Variants in TRHDE observed in about 807,000 individuals in gnomAD.
The protein encoded by TRHDE is thyrotropin releasing hormone degrading enzyme.
TRHDE carries 72 observed loss-of-function variants against 125.7 expected under a neutral mutation model. The observed-to-expected ratio is 0.57, with a 90% CI of 0.47 to 0.70. TRHDE has a LOEUF of 0.70. Among genes scored for constraint, TRHDE ranks in the 30% least tolerant of loss-of-function variants. The pLI, the probability that TRHDE is intolerant of heterozygous loss-of-function variation, is 0.00. For synonymous variants in TRHDE, 509 were observed against 509.1 expected (o/e 1.00, Z 0.00); for missense variants, 1,110 against 1,327.1 (o/e 0.84, Z 2.54).
At chr12:72,183,873 G>C (rs751975137) in intron 2 of TRHDE, among the ~76,000 whole-genome samples, 24 of 151,788 alleles carry the variant, frequency 1.6e-4, no homozygotes, top group Admixed American at 5.9e-4. Context: ...TATGGGATTT[G>C]GGCTGATAAA....
At chr12:72,185,785 A>G (rs554718431) in intron 2 of TRHDE, among the ~76,000 whole-genome samples, 1 of 147,668 alleles carries the variant, frequency 6.8e-6, no homozygotes, top group African/African-American at 2.5e-5. Context: ...TAAATACACC[A>G]CTCGGCACTC....
At chr12:72,561,762 T>A (rs1870188045) in intron 7 of TRHDE, among the ~76,000 whole-genome samples, 1 of 152,186 alleles carries the variant, frequency 6.6e-6, no homozygotes, top group Admixed American at 6.5e-5. Context: ...TCAGCATATA[T>A]TAGCTCTTTC....
At chr12:72,524,617 A>G (rs1480180229) in intron 6 of TRHDE, among the ~76,000 whole-genome samples, 1 of 152,178 alleles carries the variant, frequency 6.6e-6, no homozygotes, top group East Asian at 1.9e-4. Context: ...TTTGAGAAGC[A>G]TGGCTTTATT....
chr12:72,447,717 T>C (rs1875367817), intron 3 of TRHDE, among the ~76,000 whole-genome samples: 1 of 152,004 alleles, frequency 6.6e-6, no homozygotes, highest in Non-Finnish European at 1.5e-5. Flanking sequence ...TGTTAGACAT[T>C]ATTTGGAGAA....
At chr12:72,271,379 C>T (rs1879202899), upstream of TRHDE, among the ~76,000 whole-genome samples, 1 of 152,154 alleles carries the variant, frequency 6.6e-6, no homozygotes, top group African/African-American at 2.4e-5. Flanking sequence ...TTCTTTTGCT[C>T]TCTATGTTAA....
intron 2 of TRHDE, among the ~76,000 whole-genome samples, chr12:72,198,948 A>AGT (rs1289328662): frequency 2.6e-5 from 4 of 151,938 alleles, no homozygotes; most frequent in Non-Finnish European, 5.9e-5. Context: ...AGAGAGAGAG[A>AGT]GAGAGAGAGA....
chr12:72,596,029 T>C lies in TRHDE; in HGVS notation c.2321+20487T>C, dbSNP rs117048670. Among the ~76,000 whole-genome samples, 908 of 152,246 alleles carry C rather than the reference T, an allele frequency of 6.0e-3. 2 individuals carry two copies. The highest frequency in any genetic ancestry group is 0.017 in the Admixed American group (256 of 15,286). On this transcript the variant is annotated intron_variant, in intron 12 of 18. Coordinates refer to ENST00000261180, the MANE Select transcript of TRHDE (RefSeq NM_013381.3). The stretch of plus-strand genomic sequence containing the variant: ...TTCAGGGTTGATATTATTGAAAATA[T>C]ATACCCAAGTTTTAAACTGAGTCCC...
intron 2 of TRHDE, among the ~76,000 whole-genome samples, chr12:72,210,081 A>G (rs1387481440): frequency 6.6e-6 from 1 of 152,118 alleles, no homozygotes; most frequent in Non-Finnish European, 1.5e-5. Flanking sequence ...TAATTTTAAA[A>G]CCTTAACTAT....
intron 2 of TRHDE, among the ~76,000 whole-genome samples, chr12:72,360,178 G>T (rs906465910): frequency 3.3e-5 from 5 of 151,648 alleles, no homozygotes; most frequent in African/African-American, 1.2e-4. Flanking sequence ...TGACCTTGAG[G>T]GCAATGAATG....
intron 2 of TRHDE, among the ~76,000 whole-genome samples, chr12:72,373,845 A>G (rs1347549638): frequency 6.6e-6 from 1 of 152,212 alleles, no homozygotes; most frequent in African/African-American, 2.4e-5. Flanking sequence ...ATATGAATCC[A>G]GAGAGCTAAA....
chr12:72,504,030 A>G (rs550004543), intron 6 of TRHDE, among the ~76,000 whole-genome samples: 1 of 152,312 alleles, frequency 6.6e-6, no homozygotes, highest in East Asian at 1.9e-4. Context: ...AAAGAAAATG[A>G]TCAGTAGAAA....
At position 72,619,018 on chromosome 12, in the gene TRHDE, G is replaced by A. The variant is rs868483120; in HGVS notation, c.2449G>A (p.Glu817Lys). The part of the protein sequence containing the change: ...YPLDKLLDRM[E>K]NYNIFNEYIL... ...TCTAGATAAATTACTGGACCGCATGGAAAACTACAACATTTTCAATGTAAA... is the reference window on the plus strand; with the variant it reads ...TCTAGATAAATTACTGGACCGCATGAAAAACTACAACATTTTCAATGTAAA... Residue 817 changes from glutamate to lysine, a missense_variant, in exon 13 of 19, where the codon GAA becomes AAA. Around this residue, in one of 5 missense-constraint regions of TRHDE, gnomAD observed 527 missense variants for 651.8 expected, o/e 0.81. Transcript: ENST00000261180. The A allele has an allele frequency of 6.4e-7, 1 of 1,561,914 alleles. No homozygotes were observed. Among genetic ancestry groups the A allele is most frequent in the Non-Finnish European group, 8.6e-7 (1 of 1,159,070 alleles).
intron 2 of TRHDE, among the ~76,000 whole-genome samples, chr12:72,120,353 C>G (rs940605626): frequency 2.0e-5 from 3 of 151,850 alleles, no homozygotes; most frequent in African/African-American, 7.3e-5. Context: ...CTGGCTTACT[C>G]TTTCCATTTT....
chr12:72,365,291 G>T (rs553573340), intron 2 of TRHDE, among the ~76,000 whole-genome samples: 1 of 151,692 alleles, frequency 6.6e-6, no homozygotes, highest in African/African-American at 2.4e-5. Flanking sequence ...ATGAACAAAA[G>T]CTTTTTCAGG....
intron 6 of TRHDE, among the ~76,000 whole-genome samples, chr12:72,534,068 G>A (rs1394532078): frequency 1.3e-5 from 2 of 152,094 alleles, no homozygotes; most frequent in Non-Finnish European, 2.9e-5. Context: ...TTGCTGATTT[G>A]AAACTAGGAA....
At chr12:72,173,165 A>G (rs1876913920) in intron 2 of TRHDE, among the ~76,000 whole-genome samples, 1 of 152,214 alleles carries the variant, frequency 6.6e-6, no homozygotes, top group Non-Finnish European at 1.5e-5. Context: ...GCCTTCAGAT[A>G]TTAATAATTA....
chr12:72,480,132 T>A (rs1462747902), intron 5 of TRHDE, among the ~76,000 whole-genome samples: 2 of 151,920 alleles, frequency 1.3e-5, no homozygotes, highest in African/African-American at 4.9e-5. Flanking sequence ...TACGTGTGCA[T>A]GTGTCTTCAT....
intron 6 of TRHDE, among the ~76,000 whole-genome samples, chr12:72,521,565 A>G (rs972785247): frequency 2.6e-5 from 4 of 152,192 alleles, no homozygotes; most frequent in African/African-American, 7.2e-5. Context: ...TCATTTTACA[A>G]TAGGATGCAG....
intron 6 of TRHDE, 22 bp downstream of exon 6, chr12:72,499,657 C>T: frequency 6.2e-7 from 1 of 1,608,782 alleles, no homozygotes; most frequent in Non-Finnish European, 8.5e-7. Context: ...GAACAAAGTG[C>T]CAATTAGATA....
Sources: gnomAD v4.1 joint callset for allele counts (sites outside exome capture counted in the v4.1 genomes callset) on GRCh38, gnomAD v4.1.1 for gene constraint, gnomAD v4.1.1 regional missense constraint, MANE v1.5 for transcripts, NCBI Gene and HGNC (gene_info 2026-07-23, HGNC 2026-07-21) for gene names.